MECOM: variants seen among roughly 807,000 people sequenced by gnomAD.
MECOM encodes the protein histone-lysine N-methyltransferase MECOM.
MECOM carries 13 observed loss-of-function variants against 116.3 expected under a neutral mutation model. The observed-to-expected ratio is 0.11, with a 90% CI of 0.07 to 0.18. MECOM has a LOEUF of 0.18. Ranked by LOEUF, MECOM falls within the 10% of genes least tolerant of loss-of-function variation. MECOM has a pLI of 1.00. For missense variants in MECOM, 1,299 were observed against 1,509.0 expected (o/e 0.86, Z 2.31); for synonymous variants, 528 against 535.2 (o/e 0.99, Z 0.19).
chr3:169,197,416 A>G (rs1021655955), intron 2 of MECOM, among the ~76,000 whole-genome samples: 2 of 152,020 alleles, frequency 1.3e-5, no homozygotes, highest in Admixed American at 6.6e-5. Context: ...TCTCCAGTAT[A>G]TCCCAGTCTA....
intron 2 of MECOM, among the ~76,000 whole-genome samples, chr3:169,275,752 T>G (rs1759500406): frequency 6.6e-6 from 1 of 152,202 alleles, no homozygotes; most frequent in African/African-American, 2.4e-5. Flanking sequence ...TTAAATGGGT[T>G]GGCAATGCTG....
intron 2 of MECOM, among the ~76,000 whole-genome samples, chr3:169,218,016 A>G (rs1329106634): frequency 1.3e-5 from 2 of 151,854 alleles, no homozygotes; most frequent in African/African-American, 4.8e-5. Context: ...ATAGCTCTAT[A>G]GTGAAATTAA....
At chr3:169,087,747 C>G (rs571524441) in intron 16 of MECOM, among the ~76,000 whole-genome samples, 2 of 152,154 alleles carry the variant, frequency 1.3e-5, no homozygotes, top group Non-Finnish European at 2.9e-5. Context: ...AATGTCTACT[C>G]TAGCTAGTTT....
intron 1 of MECOM, among the ~76,000 whole-genome samples, chr3:169,470,561 C>T (rs1400772598): frequency 6.6e-6 from 1 of 151,950 alleles, no homozygotes; most frequent in African/African-American, 2.4e-5. Context: ...TCATGGGGTA[C>T]AGGTGTATGA....
intron 1 of MECOM, among the ~76,000 whole-genome samples, chr3:169,621,634 G>C (rs1027769067): frequency 6.6e-6 from 1 of 152,152 alleles, no homozygotes; most frequent in Admixed American, 6.5e-5. Flanking sequence ...GTGCATGCCT[G>C]TAATCCCAAC....
intron 2 of MECOM, among the ~76,000 whole-genome samples, chr3:169,144,771 G>T (rs1739245290): frequency 6.6e-6 from 1 of 152,118 alleles, no homozygotes; most frequent in Admixed American, 6.6e-5. Context: ...AACTACAAAG[G>T]ATGGTAATGT....
intron 3 of MECOM, among the ~76,000 whole-genome samples, chr3:169,141,853 C>A (rs998255972): frequency 6.6e-6 from 1 of 151,894 alleles, no homozygotes; most frequent in South Asian, 2.1e-4. Context: ...AGATTTCTGT[C>A]AGCATAAGAG....
At position 169,642,463 on chromosome 3, in the gene MECOM, G is replaced by A. The variant is rs200737344; in HGVS notation, c.37+20873C>T. ...CTCCATCTCAAAAAAAAAAAAAAAA[G>A]AAAAGAAAACTGCAAATTCATCCAC... is the stretch of plus-strand genomic sequence containing the variant. On this transcript the variant is annotated intron_variant, in intron 1 of 16. Coordinates refer to ENST00000651503, the MANE Select transcript of MECOM (RefSeq NM_004991.4). Among the ~76,000 whole-genome samples the A allele has an allele frequency of 5.0e-3, 685 of 135,738 alleles. 1 individual carries two copies. Among genetic ancestry groups the A allele is most frequent in the African/African-American group, 0.013 (464 of 36,582 alleles). 89.0% of individuals were successfully genotyped at this position (135,738 alleles called of 152,430 possible). A position where few individuals can be genotyped will look rare whatever the true frequency, so the allele number is the denominator to read the frequency against.
chr3:169,561,502 T>C (rs1762629970), intron 1 of MECOM, among the ~76,000 whole-genome samples: 1 of 152,150 alleles, frequency 6.6e-6, no homozygotes, highest in Non-Finnish European at 1.5e-5. Flanking sequence ...AAACAGTTGG[T>C]CCCATTTAAA....
At chr3:169,595,313 G>GA (rs1767008523) in intron 1 of MECOM, among the ~76,000 whole-genome samples, 1 of 152,048 alleles carries the variant, frequency 6.6e-6, no homozygotes. Flanking sequence ...ACCCACCAAC[G>GA]ACTACCTAAT....
chr3:169,378,133 G>A (rs1176057623), intron 2 of MECOM, among the ~76,000 whole-genome samples: 1 of 151,602 alleles, frequency 6.6e-6, no homozygotes, highest in East Asian at 2.0e-4. Context: ...GAGAACACAT[G>A]GACAGAGAGA....
chr3:169,544,715 T>C (rs1384257059), intron 1 of MECOM, among the ~76,000 whole-genome samples: 2 of 152,188 alleles, frequency 1.3e-5, no homozygotes, highest in African/African-American at 4.8e-5. Context: ...ATCATGTCCT[T>C]TGCAGGCACA....
Position 169,534,531 on chromosome 3 carries a change from C to T in MECOM, c.37+128805G>A, listed in dbSNP as rs369656074. Among the ~76,000 whole-genome samples the T allele has an allele frequency of 7.3e-5, 11 of 151,588 alleles. No homozygotes were observed. In the East Asian group the frequency reaches 9.7e-4, roughly 13 times the overall value. ...GTCATACTGTCCTGTATCCACTCCC[C>T]CCATTCTTCCTTTTATTAAAAAAAA... is the stretch of plus-strand genomic sequence containing the variant. On this transcript the variant is annotated intron_variant, in intron 1 of 16. Coordinates refer to ENST00000651503, the MANE Select transcript of MECOM (RefSeq NM_004991.4).
chr3:169,170,569 C>T (rs1363623046), intron 2 of MECOM, among the ~76,000 whole-genome samples: 1 of 152,022 alleles, frequency 6.6e-6, no homozygotes, highest in Non-Finnish European at 1.5e-5. Flanking sequence ...TGTACTTGGC[C>T]AATATTTTTT....
chr3:169,486,949 G>A (rs1328721701), intron 1 of MECOM, among the ~76,000 whole-genome samples: 3 of 151,878 alleles, frequency 2.0e-5, no homozygotes, highest in Admixed American at 6.6e-5. Flanking sequence ...ACCACAAAAT[G>A]TTTCCTTAAT....
chr3:169,257,949 G>A (rs1757049838), intron 2 of MECOM, among the ~76,000 whole-genome samples: 1 of 152,216 alleles, frequency 6.6e-6, no homozygotes. Context: ...AGCCGGGCAT[G>A]GCGGCGCATG....
At chr3:169,411,525 T>C (rs1012332918) in intron 1 of MECOM, among the ~76,000 whole-genome samples, 2 of 152,166 alleles carry the variant, frequency 1.3e-5, no homozygotes, top group Non-Finnish European at 2.9e-5. Context: ...GTAGAGGAGA[T>C]GTATGCTTGG....
chr3:169,405,649 G>A (rs897468950), intron 1 of MECOM, among the ~76,000 whole-genome samples: 1 of 152,158 alleles, frequency 6.6e-6, no homozygotes, highest in Non-Finnish European at 1.5e-5. Flanking sequence ...TAGTGTACTT[G>A]CAGCAAACAA....
At chr3:169,159,391 C>G (rs745982471) in intron 2 of MECOM, among the ~76,000 whole-genome samples, 5 of 151,994 alleles carry the variant, frequency 3.3e-5, no homozygotes, top group Non-Finnish European at 5.9e-5. Flanking sequence ...AACCCTGTCT[C>G]TACTAAAAAT....
Sources: allele counts gnomAD v4.1 joint callset (sites outside exome capture counted in the v4.1 genomes callset), GRCh38; gene constraint gnomAD v4.1.1; transcripts MANE v1.5; gene names NCBI Gene and HGNC (gene_info 2026-07-23, HGNC 2026-07-21).